The following DGKB variants were observed in gnomAD, a reference collection of about 807,000 sequenced individuals.
DGKB encodes diacylglycerol kinase beta.
A neutral mutation model predicts 114.3 loss-of-function variants in DGKB; 67 were observed. The observed-to-expected ratio is 0.59, with a 90% confidence interval of 0.48 to 0.72. The LOEUF (loss-of-function observed/expected upper bound fraction) is 0.72. DGKB is among the 30% of genes least tolerant of loss of function. The probability of loss-of-function intolerance (pLI) is 0.00; values close to 1 mark genes in which losing one functional copy is unlikely to be tolerated. For missense variants in DGKB, 907 were observed against 975.2 expected, an observed-to-expected ratio of 0.93 and a Z score of 0.93; for synonymous variants, 398 against 323.1, an observed-to-expected ratio of 1.23 and a Z score of -2.49.
intron 22 of DGKB, among the ~76,000 whole-genome samples, chr7:14,344,214 G>C (rs118153867): frequency 1.2e-4 from 18 of 151,292 alleles, no homozygotes; most frequent in Non-Finnish European, 2.2e-4. Flanking sequence ...TCCTTTCAAA[G>C]GTTATGATCT....
At chr7:14,963,067 T>G (rs994805475) in intron 1 of DGKB, among the ~76,000 whole-genome samples, 1 of 152,078 alleles carries the variant, frequency 6.6e-6, no homozygotes, top group African/African-American at 2.4e-5. Context: ...GCTAGAAACA[T>G]TGACCAGACA....
At chr7:14,452,426 G>T (rs1831663441) in intron 21 of DGKB, among the ~76,000 whole-genome samples, 1 of 151,806 alleles carries the variant, frequency 6.6e-6, no homozygotes, top group Non-Finnish European at 1.5e-5. Flanking sequence ...TGAGATCCTA[G>T]AATTGCAAAT....
intron 21 of DGKB, among the ~76,000 whole-genome samples, chr7:14,397,572 C>T (rs1822429067): frequency 6.6e-6 from 1 of 152,062 alleles, no homozygotes; most frequent in African/African-American, 2.4e-5. Flanking sequence ...TTCTTCATTG[C>T]TCATTTTCTT....
intron 20 of DGKB, among the ~76,000 whole-genome samples, chr7:14,537,872 G>A (rs1378700630): frequency 2.0e-5 from 3 of 152,092 alleles, no homozygotes; most frequent in African/African-American, 7.2e-5. Context: ...CCTGAGGTTG[G>A]AAGTTTGAGA....
chr7:14,218,126 C>A (rs1341109022), intron 23 of DGKB, among the ~76,000 whole-genome samples: 1 of 151,920 alleles, frequency 6.6e-6, no homozygotes, highest in Non-Finnish European at 1.5e-5. Context: ...AACACTTAAG[C>A]CTTCAAAGTG....
At chr7:14,940,499 C>T (rs1587422721) in intron 1 of DGKB, among the ~76,000 whole-genome samples, 1 of 152,074 alleles carries the variant, frequency 6.6e-6, no homozygotes, top group East Asian at 1.9e-4. Flanking sequence ...TAATGTGCCC[C>T]ATCATCAAAA....
intron 21 of DGKB, among the ~76,000 whole-genome samples, chr7:14,375,924 A>C (rs1305814774): frequency 6.6e-6 from 1 of 152,362 alleles, no homozygotes; most frequent in African/African-American, 2.4e-5. Flanking sequence ...TGAAGGTCTT[A>C]GTATTTGAAC....
chr7:14,788,336 A>G (rs1387694895), intron 2 of DGKB, among the ~76,000 whole-genome samples: 1 of 152,114 alleles, frequency 6.6e-6, no homozygotes, highest in Non-Finnish European at 1.5e-5. Flanking sequence ...AATCCACCAA[A>G]GCCTTGTCTA....
At chr7:14,698,071 T>A in intron 8 of DGKB, 24 bp downstream of exon 8, 1 of 1,353,958 alleles carries the variant, frequency 7.4e-7, no homozygotes, top group Non-Finnish European at 1.0e-6. Context: ...ATTTAGCCAA[T>A]AGTGAAATCA....
chr7:14,613,189 G>C lies in DGKB; in HGVS notation c.1358+151C>G, dbSNP rs998784019. 4 of 556,736 alleles carry C rather than the reference G, an allele frequency of 7.2e-6. No homozygotes were observed. The African/African-American group carries it at 7.6e-5, about 11-fold the overall frequency. 34.5% of individuals were successfully genotyped at this position (556,736 alleles called of 1,614,324 possible). On this transcript the variant is annotated intron_variant, in intron 16 of 25. Transcript: ENST00000402815. ...ATTAAAATTTCAATCCTAAAAACAAGATCATATAAACATATTAAATGCTAG... is the reference window on the plus strand; with the variant it reads ...ATTAAAATTTCAATCCTAAAAACAACATCATATAAACATATTAAATGCTAG...
intron 13 of DGKB, among the ~76,000 whole-genome samples, chr7:14,644,729 T>C (rs1812566541): frequency 6.6e-6 from 1 of 152,212 alleles, no homozygotes; most frequent in Non-Finnish European, 1.5e-5. Flanking sequence ...AAACACATTT[T>C]TAAATTCTGG....
chr7:14,542,384 A>C (rs1265295436), intron 20 of DGKB, among the ~76,000 whole-genome samples: 3 of 152,038 alleles, frequency 2.0e-5, no homozygotes, highest in Non-Finnish European at 4.4e-5. Context: ...AAGCCACAAC[A>C]GTCACCTTCC....
At chr7:14,917,952 T>C (rs1414728467) in intron 1 of DGKB, among the ~76,000 whole-genome samples, 1 of 152,076 alleles carries the variant, frequency 6.6e-6, no homozygotes. Context: ...AGTTGAACAT[T>C]TGAAAATCAA....
At chr7:14,724,140 G>C (rs1473398045) in intron 5 of DGKB, among the ~76,000 whole-genome samples, 1 of 152,064 alleles carries the variant, frequency 6.6e-6, no homozygotes, top group Non-Finnish European at 1.5e-5. Flanking sequence ...TGGCAATTTA[G>C]CTTTTTCTTT....
intron 1 of DGKB, among the ~76,000 whole-genome samples, chr7:14,874,676 T>C (rs566068648): frequency 3.3e-5 from 5 of 152,230 alleles, no homozygotes; most frequent in African/African-American, 9.6e-5. Flanking sequence ...AGTGGGGGAA[T>C]ATTGCTATAA....
intron 5 of DGKB, among the ~76,000 whole-genome samples, chr7:14,729,540 T>A (rs960270925): frequency 1.3e-5 from 2 of 152,184 alleles, no homozygotes; most frequent in Non-Finnish European, 2.9e-5. Flanking sequence ...CATTAAAAAA[T>A]TTTTGAATAG....
intron 25 of DGKB, 54 bp from the exon 26 acceptor site, chr7:14,149,292 A>C: frequency 7.6e-7 from 1 of 1,309,602 alleles, no homozygotes; most frequent in South Asian, 1.3e-5. Flanking sequence ...CTCCAGATAG[A>C]TACAATACCA....
At chr7:14,293,703 T>C (rs1802107157) in intron 23 of DGKB, among the ~76,000 whole-genome samples, 1 of 152,160 alleles carries the variant, frequency 6.6e-6, no homozygotes, top group Non-Finnish European at 1.5e-5. Context: ...CTAGGTGATA[T>C]CCTCTAGGCA....
intron 1 of DGKB, among the ~76,000 whole-genome samples, chr7:14,941,765 T>C (rs1012763021): frequency 2.0e-5 from 3 of 152,044 alleles, no homozygotes; most frequent in Non-Finnish European, 2.9e-5. Context: ...ATTTCAGGTT[T>C]GAATATAATG....
Sources: allele counts gnomAD v4.1 joint callset (sites outside exome capture counted in the v4.1 genomes callset), GRCh38; gene constraint gnomAD v4.1.1; transcripts MANE v1.5; gene names NCBI Gene and HGNC (gene_info 2026-07-23, HGNC 2026-07-21).